GRIA3: variants seen among roughly 807,000 people sequenced by gnomAD.
The protein encoded by GRIA3 is glutamate ionotropic receptor AMPA type subunit 3.
GRIA3 carries 3 observed loss-of-function variants against 63.0 expected under a neutral mutation model. That is an observed-to-expected ratio of 0.05 (90% CI 0.02 to 0.12). GRIA3 has a LOEUF of 0.12. Ranked by LOEUF, GRIA3 falls within the 10% of genes least tolerant of loss-of-function variation. The pLI is 1.00. For missense variants in GRIA3, 347 were observed against 700.9 expected (o/e 0.50, Z 5.70); for synonymous variants, 274 against 257.9 (o/e 1.06, Z -0.60).
At chrX:123,399,311 C>T (rs1483676708) in intron 7 of GRIA3, among the ~76,000 whole-genome samples, 1 of 111,946 alleles carries the variant, frequency 8.9e-6, no homozygotes, top group African/African-American at 3.2e-5. Flanking sequence ...AAAGAACACT[C>T]ATGCTATTCT....
At chrX:123,481,260 C>T (rs893022587) in intron 14 of GRIA3, among the ~76,000 whole-genome samples, 3 of 111,893 alleles carry the variant, frequency 2.7e-5, no homozygotes, top group Non-Finnish European at 5.6e-5. Context: ...TGCAGATAGC[C>T]TCACCAGTCT....
chrX:123,453,184 A>G (rs1231198602), intron 12 of GRIA3, among the ~76,000 whole-genome samples: 1 of 112,075 alleles, frequency 8.9e-6, no homozygotes, highest in African/African-American at 3.3e-5. Flanking sequence ...AATGTGGCAC[A>G]TATACACCAT....
intron 2 of GRIA3, among the ~76,000 whole-genome samples, chrX:123,189,448 G>A (rs150554948): frequency 0.035 from 3,932 of 112,017 alleles, 98 homozygotes; most frequent in South Asian, 0.19. Flanking sequence ...AGGAAACATC[G>A]CCGATTCCCT....
At chrX:123,240,883 C>G (rs2044325922) in intron 2 of GRIA3, among the ~76,000 whole-genome samples, 1 of 110,806 alleles carries the variant, frequency 9.0e-6, no homozygotes, top group South Asian at 3.8e-4. Context: ...ATGATAAAAC[C>G]CAGGAGAGAA....
chrX:123,361,558 GGGACT>G (rs1479095205), intron 5 of GRIA3, among the ~76,000 whole-genome samples: 2 of 111,432 alleles, frequency 1.8e-5, no homozygotes, highest in Non-Finnish European at 3.8e-5. Flanking sequence ...ATGAGGAGTG[GGGACT>G]GGGCTGGTTT....
In GRIA3 at chrX:123,487,519, G is replaced by GAA. The variant is rs1216047735; in HGVS notation, c.*3-1185_*3-1184dup. Reference sequence around the variant, plus strand: ...AAAGAATTCACGTTATGTTAAGTATGAAAAAAAAAAGCATTCTGGATAACC... The same window carrying GAA: ...AAAGAATTCACGTTATGTTAAGTATGAAAAAAAAAAAAGCATTCTGGATAACC... On this transcript the variant is annotated intron_variant, in intron 15 of 15. Transcript: ENST00000620443. Among the ~76,000 whole-genome samples, 5 of 106,376 alleles carry GAA rather than the reference G, an allele frequency of 4.7e-5. No homozygotes were observed. In the East Asian group the frequency reaches 1.2e-3, roughly 25 times the overall value. The allele number at this position is 106,376 out of a possible 115,157, so 92.4% of individuals were successfully genotyped here.
chrX:123,398,298 T>C (rs1666768054), intron 6 of GRIA3, among the ~76,000 whole-genome samples: 1 of 112,176 alleles, frequency 8.9e-6, no homozygotes, highest in Non-Finnish European at 1.9e-5. Context: ...CTCCAGTCTA[T>C]ACATGCCATC....
At chrX:123,206,316 G>T (rs371455602) in intron 2 of GRIA3, among the ~76,000 whole-genome samples, 1 of 111,571 alleles carries the variant, frequency 9.0e-6, no homozygotes, top group South Asian at 3.8e-4. Flanking sequence ...CTCTGACCCG[G>T]CAAAGTTTCC....
chrX:123,449,448 T>C (rs1263947106), intron 12 of GRIA3, among the ~76,000 whole-genome samples: 1 of 112,282 alleles, frequency 8.9e-6, no homozygotes, highest in Admixed American at 9.4e-5. Context: ...CTTGCTGCAC[T>C]TATCAGAAGC....
At chrX:123,426,145 G>C (rs1377102922) in intron 11 of GRIA3, among the ~76,000 whole-genome samples, 3 of 111,332 alleles carry the variant, frequency 2.7e-5, no homozygotes, top group African/African-American at 9.8e-5. Flanking sequence ...GTTTTTCTGG[G>C]CATGGGAGAA....
At chrX:123,379,914 A>G (rs1271353559) in intron 5 of GRIA3, among the ~76,000 whole-genome samples, 1 of 105,281 alleles carries the variant, frequency 9.5e-6, no homozygotes, top group Non-Finnish European at 1.9e-5. Context: ...TGTCTTTGTG[A>G]TAGTTTGCTC....
At chrX:123,354,035 C>T (rs931375463) in intron 4 of GRIA3, among the ~76,000 whole-genome samples, 42 of 111,958 alleles carry the variant, frequency 3.8e-4, no homozygotes, top group Non-Finnish European at 5.1e-4. Flanking sequence ...GTGAACTGTA[C>T]AAAGTACATT....
At chrX:123,400,057 A>T (rs770524745) in intron 7 of GRIA3, among the ~76,000 whole-genome samples, 71 of 111,578 alleles carry the variant, frequency 6.4e-4, no homozygotes, top group Non-Finnish European at 9.6e-4. Context: ...AGTGAAATAT[A>T]AAACTCCCTC....
At chrX:123,420,758 G>A (rs1055347859) in intron 11 of GRIA3, among the ~76,000 whole-genome samples, 3 of 111,042 alleles carry the variant, frequency 2.7e-5, no homozygotes. Context: ...AAAGATTATG[G>A]CCTGAAAATG....
At chrX:123,401,971 A>G (rs1406772308) in intron 7 of GRIA3, among the ~76,000 whole-genome samples, 1 of 111,790 alleles carries the variant, frequency 8.9e-6, no homozygotes, top group Admixed American at 9.5e-5. Context: ...TAGGTAAAGA[A>G]TCTATCTACC....
intron 2 of GRIA3, among the ~76,000 whole-genome samples, chrX:123,188,517 C>G (rs973494197): frequency 2.7e-4 from 30 of 110,845 alleles, no homozygotes; most frequent in Non-Finnish European, 4.9e-4. Flanking sequence ...CCCCAGGTTC[C>G]ACTCCTCCAA....
rs1440931970 is a variant in GRIA3, at chrX:123,475,345, A to T, written c.2325-4718A>T. ...TTCTCAGAAGGATTTGTATTTTAACAAATCATGTCACTTGAAGATGTGAAA... is the reference window on the plus strand; with the variant it reads ...TTCTCAGAAGGATTTGTATTTTAACTAATCATGTCACTTGAAGATGTGAAA... On this transcript the variant is annotated intron_variant, in intron 13 of 15. Transcript: ENST00000620443. Among the ~76,000 whole-genome samples the T allele has an allele frequency of 2.7e-5, 3 of 112,447 alleles. No homozygotes were observed. In the East Asian group the frequency reaches 8.3e-4, roughly 31 times the overall value.
chrX:123,304,149 T>C (rs769589646), intron 3 of GRIA3, among the ~76,000 whole-genome samples: 1 of 111,643 alleles, frequency 9.0e-6, no homozygotes, highest in East Asian at 2.8e-4. Context: ...CAGTTGGTTA[T>C]ATTTATCAAG....
intron 3 of GRIA3, among the ~76,000 whole-genome samples, chrX:123,314,958 T>C (rs969145578): frequency 1.8e-5 from 2 of 112,147 alleles, no homozygotes; most frequent in Admixed American, 9.5e-5. Flanking sequence ...TATTAAAACA[T>C]ACATCCTTCA....
Sources: allele counts gnomAD v4.1 joint callset (sites outside exome capture counted in the v4.1 genomes callset), GRCh38; gene constraint gnomAD v4.1.1; transcripts MANE v1.5; gene names NCBI Gene and HGNC (gene_info 2026-07-23, HGNC 2026-07-21).